The following UBE2H variants were observed in gnomAD, a reference collection of about 807,000 sequenced individuals.
UBE2H encodes the protein ubiquitin conjugating enzyme E2 H.
Under a neutral mutation model 29.0 loss-of-function variants are expected in UBE2H, and 3 were observed. The observed-to-expected ratio is 0.10, with a 90% CI of 0.05 to 0.27. The LOEUF (loss-of-function observed/expected upper bound fraction) is 0.27. UBE2H is among the 10% of genes least tolerant of loss of function. UBE2H has a pLI of 1.00. For synonymous variants in UBE2H, 69 were observed against 82.9 expected (o/e 0.83, Z 0.91); for missense variants, 68 against 228.2 (o/e 0.30, Z 4.52).
rs753786160 is a variant in UBE2H, at chr7:129,858,980, A to G, written c.206-39T>C. ...TGTTAATTAGCAGCAAAAAGTATCC[A>G]GAGAACAATAAAAGTATTTCAGTAC... On this transcript the variant is annotated intron_variant, in intron 3 of 6. Coordinates refer to ENST00000355621, the MANE Select transcript of UBE2H (RefSeq NM_003344.4). The G allele has an allele frequency of 6.5e-6, 10 of 1,542,628 alleles. No individual in the cohort carries two copies. The South Asian group carries it at 1.0e-4, about 16-fold the overall frequency.
chr7:129,881,935 T>C (rs887996995), intron 1 of UBE2H, among the ~76,000 whole-genome samples: 2 of 152,094 alleles, frequency 1.3e-5, no homozygotes, highest in Non-Finnish European at 2.9e-5. Context: ...TACTGCCAAA[T>C]GCAAAAGACC....
intron 1 of UBE2H, among the ~76,000 whole-genome samples, chr7:129,917,873 G>T (rs573504903): frequency 6.6e-6 from 1 of 152,260 alleles, no homozygotes; most frequent in Non-Finnish European, 1.5e-5. Flanking sequence ...GCATCTCAAT[G>T]AACATACCAA....
intron 1 of UBE2H, among the ~76,000 whole-genome samples, chr7:129,934,638 TAAAAAAAAAAAAA>T (rs758214225): frequency 4.6e-5 from 3 of 65,850 alleles, no homozygotes; most frequent in South Asian, 5.5e-4. Context: ...ACTCCGTCTT[TAAAAAAAAAAAAA>T]AAAAAAAAAA....
At chr7:129,841,376 C>T (rs1341239928) in intron 5 of UBE2H, among the ~76,000 whole-genome samples, 1 of 152,186 alleles carries the variant, frequency 6.6e-6, no homozygotes, top group Non-Finnish European at 1.5e-5. Context: ...AGAAGCTGAG[C>T]AGTTAGAGAC....
chr7:129,841,832 G>A, intron 5 of UBE2H, among the ~76,000 whole-genome samples: 1 of 152,052 alleles, frequency 6.6e-6, no homozygotes, highest in East Asian at 1.9e-4. Context: ...AATCAAAAAA[G>A]CAAAACAAAA....
intron 1 of UBE2H, among the ~76,000 whole-genome samples, chr7:129,949,804 C>A (rs75267855): frequency 0.012 from 1,841 of 152,254 alleles, 22 homozygotes; most frequent in Admixed American, 0.032. Context: ...GGCTGTAAAT[C>A]GTGGTGGTAT....
At chr7:129,918,780 T>A (rs945984291) in intron 1 of UBE2H, among the ~76,000 whole-genome samples, 5 of 152,154 alleles carry the variant, frequency 3.3e-5, no homozygotes, top group African/African-American at 9.6e-5. Context: ...ATGTTTAACA[T>A]GTAAGAAAGA....
At chr7:129,932,534 A>G (rs1807428704) in intron 1 of UBE2H, among the ~76,000 whole-genome samples, 2 of 151,772 alleles carry the variant, frequency 1.3e-5, no homozygotes, top group Middle Eastern at 3.4e-3. Flanking sequence ...TGTTGACACC[A>G]TTTCATCATA....
intron 5 of UBE2H, among the ~76,000 whole-genome samples, chr7:129,849,642 T>C (rs891149700): frequency 1.3e-5 from 2 of 152,130 alleles, no homozygotes; most frequent in Non-Finnish European, 2.9e-5. Flanking sequence ...AAAAAGCCCA[T>C]TTCTCCACCT....
intron 1 of UBE2H, among the ~76,000 whole-genome samples, chr7:129,915,947 T>C (rs998850188): frequency 3.3e-5 from 5 of 152,220 alleles, no homozygotes; most frequent in African/African-American, 9.6e-5. Flanking sequence ...TAAAAATTCC[T>C]TGACCTCTAT....
chr7:129,904,966 C>T (rs769183688), intron 1 of UBE2H, among the ~76,000 whole-genome samples: 3 of 151,952 alleles, frequency 2.0e-5, no homozygotes, highest in South Asian at 4.2e-4. Flanking sequence ...TAGCATTTTG[C>T]TCTTATATGG....
chr7:129,944,315 C>A (rs2116525127), intron 1 of UBE2H, among the ~76,000 whole-genome samples: 1 of 152,148 alleles, frequency 6.6e-6, no homozygotes, highest in African/African-American at 2.4e-5. Context: ...GAGATCGCGC[C>A]ACTACACTCA....
chr7:129,947,249 G>A (rs1001644554), intron 1 of UBE2H, among the ~76,000 whole-genome samples: 3 of 152,202 alleles, frequency 2.0e-5, no homozygotes, highest in Non-Finnish European at 4.4e-5. Context: ...ATAAGTACCA[G>A]TATGTTATAT....
intron 1 of UBE2H, among the ~76,000 whole-genome samples, chr7:129,946,194 A>AG (rs930963814): frequency 2.6e-5 from 4 of 151,126 alleles, no homozygotes; most frequent in African/African-American, 9.7e-5. Flanking sequence ...CTGGGACTAC[A>AG]GGCGCCCGCC....
chr7:129,876,582 T>G (rs908857872), intron 3 of UBE2H, among the ~76,000 whole-genome samples: 1 of 152,242 alleles, frequency 6.6e-6, no homozygotes, highest in Non-Finnish European at 1.5e-5. Flanking sequence ...TATACCCCAA[T>G]TGATATTACT....
chr7:129,952,819 T>G lies in UBE2H; in HGVS notation c.-264A>C. 1 of 282,378 alleles carries G rather than the reference T, an allele frequency of 3.5e-6. No individual in the cohort carries two copies. 17.5% of individuals were successfully genotyped at this position (282,378 alleles called of 1,614,324 possible). On this transcript the variant is annotated 5_prime_UTR_variant, in exon 1 of 7. Coordinates refer to ENST00000355621, the MANE Select transcript of UBE2H (RefSeq NM_003344.4). ...TTCCGCCGCGGCCCTGCCCCGGCGC[T>G]CCTCTGCGCCGCGCGACGCTCCCTC...
intron 1 of UBE2H, among the ~76,000 whole-genome samples, chr7:129,949,805 G>A (rs916101222): frequency 3.9e-5 from 6 of 152,096 alleles, no homozygotes; most frequent in African/African-American, 7.2e-5. Flanking sequence ...GCTGTAAATC[G>A]TGGTGGTATA....
At chr7:129,940,647 C>G (rs1807622402) in intron 1 of UBE2H, among the ~76,000 whole-genome samples, 1 of 152,178 alleles carries the variant, frequency 6.6e-6, no homozygotes, top group Non-Finnish European at 1.5e-5. Flanking sequence ...TCCTCCTTCC[C>G]TCTTAAGCAT....
At chr7:129,836,387 T>C (rs12537576) in intron 6 of UBE2H, among the ~76,000 whole-genome samples, 9,522 of 151,930 alleles carry the variant, frequency 0.063, 368 homozygotes, top group Non-Finnish European at 0.092. Context: ...AGGTCACCAA[T>C]GAGGAGGAGG....
Sources: gnomAD v4.1 joint callset for allele counts (sites outside exome capture counted in the v4.1 genomes callset) on GRCh38, gnomAD v4.1.1 for gene constraint, MANE v1.5 for transcripts, NCBI Gene and HGNC (gene_info 2026-07-23, HGNC 2026-07-21) for gene names.